The following CCDC60 variants were observed in gnomAD, a reference collection of about 807,000 sequenced individuals.
CCDC60 encodes coiled-coil domain containing 60, also known as coiled-coil domain-containing protein 60.
CCDC60 carries 54 observed loss-of-function variants against 63.5 expected under a neutral mutation model. The observed-to-expected ratio is 0.85, with a 90% confidence interval of 0.68 to 1.07. The LOEUF (loss-of-function observed/expected upper bound fraction) is 1.07. CCDC60 is among the 50% of genes least tolerant of loss of function. CCDC60 has a pLI of 0.00. For synonymous variants in CCDC60, 206 were observed against 238.8 expected (o/e 0.86, Z 1.27); for missense variants, 651 against 684.3 (o/e 0.95, Z 0.54).
intron 6 of CCDC60, among the ~76,000 whole-genome samples, chr12:119,501,997 T>G (rs1460516598): frequency 6.6e-6 from 1 of 152,172 alleles, no homozygotes; most frequent in Admixed American, 6.5e-5. Context: ...AAGGAGGGAA[T>G]CCAACCAGCT....
intron 1 of CCDC60, among the ~76,000 whole-genome samples, chr12:119,376,859 A>G (rs1208327319): frequency 6.6e-6 from 1 of 152,110 alleles, no homozygotes; most frequent in Non-Finnish European, 1.5e-5. Flanking sequence ...GATGTTCTGT[A>G]GCTGCAGGGA....
At chr12:119,394,585 A>T (rs1294190449) in intron 1 of CCDC60, among the ~76,000 whole-genome samples, 1 of 152,244 alleles carries the variant, frequency 6.6e-6, no homozygotes, top group Non-Finnish European at 1.5e-5. Flanking sequence ...CACAGAAAAC[A>T]GTAATTCTCA....
chr12:119,498,806 C>T (rs939871923), intron 5 of CCDC60, among the ~76,000 whole-genome samples: 1 of 152,144 alleles, frequency 6.6e-6, no homozygotes, highest in African/African-American at 2.4e-5. Flanking sequence ...ACCAATCAGT[C>T]GATCAATCGA....
At chr12:119,398,353 C>T (rs1461313256) in intron 1 of CCDC60, among the ~76,000 whole-genome samples, 12 of 152,122 alleles carry the variant, frequency 7.9e-5, no homozygotes, top group Admixed American at 4.6e-4. Flanking sequence ...TCCGAGCTTA[C>T]GCCCACCCGG....
chr12:119,532,396 C>CTATTATTAT (rs71451846), intron 13 of CCDC60, among the ~76,000 whole-genome samples: 21,789 of 142,182 alleles, frequency 0.15, 2,038 homozygotes, highest in Non-Finnish European at 0.22. Flanking sequence ...CATCACAGAA[C>CTATTATTAT]TATTATTATT....
intron 2 of CCDC60, among the ~76,000 whole-genome samples, chr12:119,442,177 C>T (rs192857593): frequency 6.0e-4 from 91 of 152,238 alleles, no homozygotes; most frequent in African/African-American, 2.1e-3. Flanking sequence ...AAAAACATTC[C>T]GTATAGACTA....
intron 12 of CCDC60, among the ~76,000 whole-genome samples, chr12:119,529,739 G>T (rs548657276): frequency 6.6e-6 from 1 of 152,130 alleles, no homozygotes; most frequent in East Asian, 1.9e-4. Context: ...GGAGAAAAGG[G>T]TCTTCTGCAA....
chr12:119,392,319 G>A (rs553916597), intron 1 of CCDC60, among the ~76,000 whole-genome samples: 2 of 152,294 alleles, frequency 1.3e-5, no homozygotes, highest in South Asian at 4.1e-4. Context: ...TTGGACTGTA[G>A]CCAGCTTTGA....
chr12:119,505,859 A>G (rs1347056359), intron 7 of CCDC60, among the ~76,000 whole-genome samples: 1 of 152,250 alleles, frequency 6.6e-6, no homozygotes, highest in Admixed American at 6.5e-5. Flanking sequence ...CATCTCAAAA[A>G]AAAGCATTTT....
intron 1 of CCDC60, among the ~76,000 whole-genome samples, chr12:119,344,201 C>T (rs1221735797): frequency 6.6e-6 from 1 of 152,088 alleles, no homozygotes; most frequent in African/African-American, 2.4e-5. Context: ...ATGACAGTTG[C>T]AGCCTCCCCA....
chr12:119,393,156 C>T (rs953122375), intron 1 of CCDC60, among the ~76,000 whole-genome samples: 1 of 152,066 alleles, frequency 6.6e-6, no homozygotes, highest in African/African-American at 2.4e-5. Flanking sequence ...AGAGCAAGAT[C>T]CTGTCACAAA....
In CCDC60 at chr12:119,456,166, A is replaced by G. The variant is rs1950746274; in HGVS notation, c.171-15828A>G. ...GATCTTAGAGGACATTGCTAGGAGG[A>G]GAAGGAAGGACTCAGGACTTCACCC... is the stretch of plus-strand genomic sequence containing the variant. On this transcript the variant is annotated intron_variant, in intron 2 of 13. Transcript: ENST00000327554. This position sits in a 1 kb window ranked among gnomAD's most constrained non-coding sequence, Gnocchi z 4.6. 6.6e-6 allele frequency among the ~76,000 whole-genome samples: 1 copy of G among 152,094 alleles called. No individual in the cohort carries two copies.
intron 3 of CCDC60, among the ~76,000 whole-genome samples, chr12:119,478,230 G>A (rs946767166): frequency 6.6e-6 from 1 of 152,040 alleles, no homozygotes; most frequent in Non-Finnish European, 1.5e-5. Context: ...CACGAGAATT[G>A]CTTGAACCTA....
chr12:119,427,520 G>A (rs942006739), intron 1 of CCDC60, among the ~76,000 whole-genome samples: 4 of 152,166 alleles, frequency 2.6e-5, no homozygotes, highest in African/African-American at 9.7e-5. Context: ...GCAGCATGCT[G>A]GTGAACAGTT....
rs1307298954 is a variant in CCDC60, at chr12:119,360,371, C to T, written c.90+25105C>T. Reference sequence around the variant, plus strand: ...GCCCCCACCTCCCTCCCGGACGGGGCGGCTGGCCGGGCGGGGGGCTGACCC... The same window carrying T: ...GCCCCCACCTCCCTCCCGGACGGGGTGGCTGGCCGGGCGGGGGGCTGACCC... On this transcript the variant is annotated intron_variant, in intron 1 of 13. Transcript: ENST00000327554. 5.4e-4 allele frequency among the ~76,000 whole-genome samples: 46 copies of T among 85,518 alleles called. No individual in the cohort carries two copies. The Admixed American group carries it at 5.4e-3, about 10-fold the overall frequency. The allele number at this position is 85,518 out of a possible 152,430, so 56.1% of individuals were successfully genotyped here. A position where few individuals can be genotyped will look rare whatever the true frequency, so the allele number is the denominator to read the frequency against.
intron 2 of CCDC60, among the ~76,000 whole-genome samples, chr12:119,431,667 G>GTGTTTGTT (rs34475367): frequency 1.9e-4 from 29 of 151,690 alleles, no homozygotes; most frequent in African/African-American, 5.1e-4. Flanking sequence ...TTCTGTGTTT[G>GTGTTTGTT]TGTTTGTTTG....
intron 5 of CCDC60, among the ~76,000 whole-genome samples, chr12:119,492,361 G>C (rs543870798): frequency 6.6e-6 from 1 of 152,264 alleles, no homozygotes; most frequent in East Asian, 1.9e-4. Context: ...GAGTTGGGAA[G>C]AGAGGTACAG....
Position 119,456,017 on chromosome 12 carries a change from AAGAAAGAAAG to A in CCDC60, c.171-15975_171-15966del, listed in dbSNP as rs1950733467. On this transcript the variant is annotated intron_variant, in intron 2 of 13. Coordinates refer to ENST00000327554, the MANE Select transcript of CCDC60 (RefSeq NM_178499.5). The surrounding 1 kb of genome is among the most constrained non-coding windows in gnomAD (Gnocchi z 4.6). ...AGAGAGAAAGAGAAAGAAAGAAAGAAAGAAAGAAAGAAAGAAAGAAAGAAAGAAAGAAAGA... is the reference window on the plus strand; with the variant it reads ...AGAGAGAAAGAGAAAGAAAGAAAGAAAAAGAAAGAAAGAAAGAAAGAAAGA... 1.8e-5 allele frequency among the ~76,000 whole-genome samples: 2 copies of A among 110,780 alleles called. No individual in the cohort carries two copies. Among genetic ancestry groups the A allele is most frequent in the African/African-American group, 7.7e-5 (2 of 26,054 alleles). The allele number at this position is 110,780 out of a possible 152,430, so 72.7% of individuals were successfully genotyped here.
chr12:119,444,762 A>G (rs1950510121), intron 2 of CCDC60, among the ~76,000 whole-genome samples: 1 of 152,164 alleles, frequency 6.6e-6, no homozygotes, highest in African/African-American at 2.4e-5. Flanking sequence ...GCGTTTGATT[A>G]AATACCTTCC....
Sources: allele counts gnomAD v4.1 joint callset (sites outside exome capture counted in the v4.1 genomes callset), GRCh38; gene constraint gnomAD v4.1.1; non-coding constraint Gnocchi (gnomAD v3.1); transcripts MANE v1.5; gene names NCBI Gene and HGNC (gene_info 2026-07-23, HGNC 2026-07-21).